Variants in RASSF5 observed in about 807,000 individuals in gnomAD.
The protein encoded by RASSF5 is ras association domain-containing protein 5.
Under a neutral mutation model 40.5 loss-of-function variants are expected in RASSF5, and 25 were observed. That is an observed-to-expected ratio of 0.62 (90% CI 0.45 to 0.86). The LOEUF (loss-of-function observed/expected upper bound fraction) is 0.86. RASSF5 is among the 40% of genes least tolerant of loss of function. The pLI, the probability that RASSF5 is intolerant of heterozygous loss-of-function variation, is 0.00. For missense variants in RASSF5, 521 were observed against 572.8 expected (o/e 0.91, Z 0.92); for synonymous variants, 246 against 252.4 (o/e 0.97, Z 0.24).
rs4072498 is a variant in RASSF5, at chr1:206,585,398, C to T, written c.1104+103C>T. 1,415 of 823,856 alleles carry T rather than the reference C, an allele frequency of 1.7e-3. 17 individuals carry two copies. The Admixed American group carries it at 0.022, about 13-fold the overall frequency. The allele number at this position is 823,856 out of a possible 1,614,324, so 51.0% of individuals were successfully genotyped here. A position where few individuals can be genotyped will look rare whatever the true frequency, so the allele number is the denominator to read the frequency against. ...TCACATAGGTGGGAGCCACGCAGCA[C>T]GGGCAGGAAGGTGACTGTTGAGAGA... On this transcript the variant is annotated intron_variant, in intron 5 of 5. Transcript: ENST00000579436.
At chr1:206,583,725 G>A in intron 3 of RASSF5, 2 of 284,524 alleles carry the variant, frequency 7.0e-6, no homozygotes, top group South Asian at 6.8e-5. Context: ...GGACTTAGTT[G>A]CTCCCCTTCC....
chr1:206,564,585 GAA>G (rs1668233748), intron 2 of RASSF5, among the ~76,000 whole-genome samples: 3 of 152,202 alleles, frequency 2.0e-5, no homozygotes, highest in African/African-American at 4.8e-5. Flanking sequence ...CTAGGAGCTT[GAA>G]GGGGTCCTAG....
chr1:206,526,764 T>A (rs1667107251), intron 1 of RASSF5, among the ~76,000 whole-genome samples: 1 of 152,166 alleles, frequency 6.6e-6, no homozygotes, highest in Non-Finnish European at 1.5e-5. Context: ...TGCACAGTTC[T>A]TCTTACCCTA....
At chr1:206,520,433 C>T (rs1159379768) in intron 1 of RASSF5, among the ~76,000 whole-genome samples, 2 of 152,050 alleles carry the variant, frequency 1.3e-5, no homozygotes, top group Non-Finnish European at 2.9e-5. Flanking sequence ...ATGGCGAAAC[C>T]CCGTCTCTAC....
chr1:206,511,865 G>T (rs1212889266), intron 1 of RASSF5, among the ~76,000 whole-genome samples: 1 of 152,094 alleles, frequency 6.6e-6, no homozygotes, highest in Non-Finnish European at 1.5e-5. Context: ...GACAGCCCCC[G>T]ATCCTGCAGA....
At chr1:206,525,618 CA>C (rs1250705515) in intron 1 of RASSF5, among the ~76,000 whole-genome samples, 3 of 150,396 alleles carry the variant, frequency 2.0e-5, no homozygotes, top group African/African-American at 7.5e-5. Context: ...AAAAACAAAA[CA>C]AAACAAAACA....
intron 2 of RASSF5, among the ~76,000 whole-genome samples, chr1:206,546,089 A>ATT (rs10603701): frequency 6.2e-5 from 3 of 48,236 alleles, no homozygotes; most frequent in African/African-American, 2.4e-4. Flanking sequence ...TTCTTTTTCT[A>ATT]TTTTTTTTTT....
intron 2 of RASSF5, among the ~76,000 whole-genome samples, chr1:206,546,087 C>CTTTTTTTTTTTTTTTTTTTTTTTTTT (rs1667678821): frequency 3.8e-5 from 1 of 26,450 alleles, no homozygotes; most frequent in Non-Finnish European, 7.7e-5. Context: ...TCTTCTTTTT[C>CTTTTTTTTTTTTTTTTTTTTTTTTTT]TATTTTTTTT....
At chr1:206,565,322 C>T (rs537445191) in intron 2 of RASSF5, among the ~76,000 whole-genome samples, 48 of 152,316 alleles carry the variant, frequency 3.2e-4, no homozygotes, top group African/African-American at 1.1e-3. Flanking sequence ...GTGTTTTCCC[C>T]TCTGTGTATC....
At chr1:206,546,664 C>T (rs1667703042) in intron 2 of RASSF5, among the ~76,000 whole-genome samples, 1 of 152,188 alleles carries the variant, frequency 6.6e-6, no homozygotes, top group Non-Finnish European at 1.5e-5. Context: ...GTCAAAAATG[C>T]ATTTAATACA....
Position 206,552,103 on chromosome 1 carries a change from C to T in RASSF5, c.579+13810C>T, listed in dbSNP as rs1257200546. ...GTCAAGGCCTATCGAAGCTGTTAGC[C>T]TGGCAGCCAATCAGAAGTGTGGTGT... On this transcript the variant is annotated intron_variant, in intron 2 of 5. Transcript: ENST00000579436. The surrounding 1 kb of genome is among the most constrained non-coding windows in gnomAD (Gnocchi z 4.1). 3.3e-5 allele frequency among the ~76,000 whole-genome samples: 5 copies of T among 152,194 alleles called. No individual in the cohort carries two copies. Among genetic ancestry groups the T allele is most frequent in the African/African-American group, 1.2e-4 (5 of 41,446 alleles).
intron 2 of RASSF5, among the ~76,000 whole-genome samples, chr1:206,581,395 C>T (rs369361898): frequency 3.3e-5 from 5 of 151,936 alleles, no homozygotes; most frequent in East Asian, 1.9e-4. Context: ...GTCAGGAGTT[C>T]GACATCAGCC....
chr1:206,524,142 C>T (rs1375936378), intron 1 of RASSF5, among the ~76,000 whole-genome samples: 19 of 123,434 alleles, frequency 1.5e-4, no homozygotes, highest in Non-Finnish European at 2.4e-4. Context: ...ATGTAATATA[C>T]TTTATATATA....
chr1:206,585,413 C>T, intron 5 of RASSF5, 118 bp downstream of exon 5: 6 of 760,538 alleles, frequency 7.9e-6, no homozygotes, highest in South Asian at 7.4e-5. Context: ...AGGAAGGTGA[C>T]TGTTGAGAGA....
intron 2 of RASSF5, chr1:206,557,436 A>G: frequency 1.4e-6 from 2 of 1,427,670 alleles, no homozygotes; most frequent in Non-Finnish European, 9.1e-7. Flanking sequence ...CCGCTACCCG[A>G]CCAGCTCCCG....
At chr1:206,523,251 CAG>C (rs1666953455) in intron 1 of RASSF5, among the ~76,000 whole-genome samples, 1 of 148,950 alleles carries the variant, frequency 6.7e-6, no homozygotes, top group Admixed American at 6.9e-5. Flanking sequence ...TTGTGGTGAG[CAG>C]AGATTGTGCC....
chr1:206,538,846 T>C (rs1279412011), intron 2 of RASSF5, among the ~76,000 whole-genome samples: 9 of 152,256 alleles, frequency 5.9e-5, no homozygotes, highest in South Asian at 2.1e-4. Flanking sequence ...AGTGTGTTTA[T>C]TGCTTCTTGC....
chr1:206,582,796 C>T (rs1045140627), intron 2 of RASSF5, among the ~76,000 whole-genome samples: 3 of 152,230 alleles, frequency 2.0e-5, no homozygotes, highest in Admixed American at 1.3e-4. Flanking sequence ...TATACTGGCA[C>T]CATGGGTAGA....
chr1:206,538,156 T>G lies in RASSF5; in HGVS notation c.458-16T>G. 6.2e-7 allele frequency: 1 copy of G among 1,614,188 alleles called. No individual in the cohort carries two copies. The highest frequency in any genetic ancestry group is 8.5e-7 in the Non-Finnish European group (1 of 1,180,000). On this transcript the variant is annotated splice_polypyrimidine_tract_variant and intron_variant, in intron 1 of 5. Transcript: ENST00000579436. ...CCTGCCTGTCCTCTAATCTCCCTTT[T>G]GTTCTTTACCTCCAGACTGTAAATT... is the stretch of plus-strand genomic sequence containing the variant.
Sources: allele counts gnomAD v4.1 joint callset (sites outside exome capture counted in the v4.1 genomes callset), GRCh38; gene constraint gnomAD v4.1.1; non-coding constraint Gnocchi (gnomAD v3.1); transcripts MANE v1.5; gene names NCBI Gene and HGNC (gene_info 2026-07-23, HGNC 2026-07-21).